The following RBFOX1 variants were observed in gnomAD, a reference collection of about 807,000 sequenced individuals.
RBFOX1 encodes RNA binding protein fox-1 homolog 1.
RBFOX1 carries 8 observed loss-of-function variants against 57.7 expected under a neutral mutation model. That is an observed-to-expected ratio of 0.14 (90% CI 0.08 to 0.25). The LOEUF (loss-of-function observed/expected upper bound fraction) is 0.25, where lower values mean the gene tolerates loss of function less well. RBFOX1 is among the 10% of genes least tolerant of loss of function. RBFOX1 has a pLI of 1.00. For synonymous variants in RBFOX1, 326 were observed against 222.4 expected (o/e 1.47, Z -4.15); for missense variants, 611 against 548.5 (o/e 1.11, Z -1.14).
intron 3 of RBFOX1, among the ~76,000 whole-genome samples, chr16:6,764,334 T>C (rs2077033737): frequency 6.6e-6 from 1 of 152,146 alleles, no homozygotes. Context: ...GGCCCACCCT[T>C]TTAAAGGGAA....
chr16:6,797,102 A>G (rs972278204), intron 3 of RBFOX1, among the ~76,000 whole-genome samples: 1 of 152,140 alleles, frequency 6.6e-6, no homozygotes, highest in Non-Finnish European at 1.5e-5. Context: ...CGATCCTCCC[A>G]CAGGTAGAAG....
intron 3 of RBFOX1, among the ~76,000 whole-genome samples, chr16:5,746,971 A>G (rs572884201): frequency 2.0e-5 from 3 of 152,278 alleles, no homozygotes; most frequent in African/African-American, 4.8e-5. Context: ...AACTTCCAAC[A>G]CTATGTTGAA....
At chr16:6,808,968 T>C (rs2087688549) in intron 3 of RBFOX1, among the ~76,000 whole-genome samples, 1 of 152,208 alleles carries the variant, frequency 6.6e-6, no homozygotes, top group Non-Finnish European at 1.5e-5. Context: ...TGAGTCCTTG[T>C]GGATGAACTG....
At chr16:7,432,562 C>T (rs1248054850) in intron 4 of RBFOX1, among the ~76,000 whole-genome samples, 1 of 152,292 alleles carries the variant, frequency 6.6e-6, no homozygotes, top group African/African-American at 2.4e-5. Flanking sequence ...CACTTTTAAG[C>T]TTTGTGGGCC....
At chr16:6,805,531 T>G (rs1256841884) in intron 3 of RBFOX1, among the ~76,000 whole-genome samples, 1 of 151,972 alleles carries the variant, frequency 6.6e-6, no homozygotes, top group Non-Finnish European at 1.5e-5. Context: ...CCTCTGAGCC[T>G]AAAATAAAAG....
intron 1 of RBFOX1, among the ~76,000 whole-genome samples, chr16:5,310,627 C>T (rs566049040): frequency 3.9e-5 from 6 of 152,202 alleles, no homozygotes; most frequent in South Asian, 4.2e-4. Context: ...AGGTTAGAAT[C>T]GATTCCCAAT....
intron 3 of RBFOX1, among the ~76,000 whole-genome samples, chr16:5,725,180 G>A (rs183517048): frequency 2.6e-4 from 40 of 152,266 alleles, no homozygotes; most frequent in Non-Finnish European, 5.9e-5. Flanking sequence ...TGGTTAATGA[G>A]CATGCCAAAA....
At chr16:5,474,523 G>A (rs907473876) in intron 2 of RBFOX1, among the ~76,000 whole-genome samples, 1 of 152,090 alleles carries the variant, frequency 6.6e-6, no homozygotes, top group Non-Finnish European at 1.5e-5. Context: ...GTGTGGTGGT[G>A]GGCACCTGTA....
At chr16:5,576,152 G>A (rs528130187) in intron 2 of RBFOX1, among the ~76,000 whole-genome samples, 19 of 151,956 alleles carry the variant, frequency 1.3e-4, no homozygotes, top group Non-Finnish European at 2.5e-4. Flanking sequence ...TCCGGCTAAT[G>A]TTTGTATTTT....
chr16:7,205,468 A>G (rs563859894), intron 4 of RBFOX1, among the ~76,000 whole-genome samples: 2 of 151,198 alleles, frequency 1.3e-5, no homozygotes, highest in Non-Finnish European at 2.9e-5. Context: ...AAGTGAGATC[A>G]TGCCATTGCA....
intron 3 of RBFOX1, among the ~76,000 whole-genome samples, chr16:5,684,824 G>A (rs564636745): frequency 1.3e-5 from 2 of 152,244 alleles, no homozygotes; most frequent in South Asian, 4.2e-4. Flanking sequence ...GGGTTGCTTG[G>A]GGGTATTTGG....
chr16:6,987,675 A>G (rs188802845), intron 3 of RBFOX1, among the ~76,000 whole-genome samples: 5 of 152,300 alleles, frequency 3.3e-5, no homozygotes, highest in Admixed American at 6.5e-5. Context: ...GCAGTTCACA[A>G]TCTAGAAGTG....
At chr16:7,493,549 G>C (rs1344606738) in intron 4 of RBFOX1, among the ~76,000 whole-genome samples, 1 of 152,070 alleles carries the variant, frequency 6.6e-6, no homozygotes, top group Non-Finnish European at 1.5e-5. Context: ...AATCACAACA[G>C]TACTTACAAG....
intron 1 of RBFOX1, among the ~76,000 whole-genome samples, chr16:5,422,884 G>C: frequency 7.6e-6 from 1 of 131,372 alleles, no homozygotes; most frequent in Non-Finnish European, 1.6e-5. Context: ...TGAGTAGGGA[G>C]TGGGAGGAGG....
In RBFOX1 at chr16:6,123,665, G is replaced by C. The variant is rs1304772894; in HGVS notation, c.-127+103673G>C. ...GTTAAAAGTAATTTCAGCACTTTGGGAGGCTGAGGTGGGTGGATCATTTCA... is the reference window on the plus strand; with the variant it reads ...GTTAAAAGTAATTTCAGCACTTTGGCAGGCTGAGGTGGGTGGATCATTTCA... On this transcript the variant is annotated intron_variant, in intron 1 of 15. Coordinates refer to ENST00000550418, the MANE Select transcript of RBFOX1 (RefSeq NM_018723.4). Among the ~76,000 whole-genome samples the C allele has an allele frequency of 2.0e-5, 3 of 152,276 alleles. No homozygotes were observed. In the South Asian group the frequency reaches 6.2e-4, roughly 32 times the overall value.
At chr16:5,631,011 G>A (rs2048489176) in intron 3 of RBFOX1, among the ~76,000 whole-genome samples, 1 of 152,212 alleles carries the variant, frequency 6.6e-6, no homozygotes, top group South Asian at 2.1e-4. Flanking sequence ...ATTCCCCTTG[G>A]AAGGGTCGCA....
intron 1 of RBFOX1, among the ~76,000 whole-genome samples, chr16:6,199,839 C>T (rs1180417163): frequency 1.3e-5 from 2 of 152,126 alleles, no homozygotes; most frequent in Admixed American, 6.5e-5. Context: ...GCTCTGCCAA[C>T]ACTCTCAGCC....
intron 1 of RBFOX1, among the ~76,000 whole-genome samples, chr16:6,160,955 T>A (rs1273952812): frequency 6.6e-6 from 1 of 152,218 alleles, no homozygotes; most frequent in Non-Finnish European, 1.5e-5. Context: ...TCGCCCCTTG[T>A]TCATTTGTGT....
chr16:7,316,138 A>G (rs1001528073), intron 4 of RBFOX1, among the ~76,000 whole-genome samples: 7 of 152,190 alleles, frequency 4.6e-5, no homozygotes, highest in Non-Finnish European at 7.3e-5. Context: ...CAAGAAGATT[A>G]TGTGTTTATA....
Sources: allele counts gnomAD v4.1 joint callset (sites outside exome capture counted in the v4.1 genomes callset), GRCh38; gene constraint gnomAD v4.1.1; transcripts MANE v1.5; gene names NCBI Gene and HGNC (gene_info 2026-07-23, HGNC 2026-07-21).